Variants in TTC17 observed in about 807,000 individuals in gnomAD.
TTC17 encodes tetratricopeptide repeat domain 17, also known as tetratricopeptide repeat protein 17.
TTC17 carries 58 observed loss-of-function variants against 143.8 expected under a neutral mutation model. The observed-to-expected ratio is 0.40, with a 90% CI of 0.33 to 0.50. The LOEUF (loss-of-function observed/expected upper bound fraction) is 0.50. Ranked by LOEUF, TTC17 falls within the 20% of genes least tolerant of loss-of-function variation. The probability of loss-of-function intolerance (pLI) is 0.49; values close to 1 mark genes in which losing one functional copy is unlikely to be tolerated. For missense variants in TTC17, 1,273 were observed against 1,392.5 expected (o/e 0.91, Z 1.37); for synonymous variants, 501 against 497.8 (o/e 1.01, Z -0.09).
At chr11:43,427,993 C>T (rs1303856007) in intron 16 of TTC17, among the ~76,000 whole-genome samples, 1 of 152,084 alleles carries the variant, frequency 6.6e-6, no homozygotes, top group Non-Finnish European at 1.5e-5. Context: ...TTCTAGGAAA[C>T]CCCCCTCAAT....
intron 6 of TTC17, 139 bp downstream of exon 6, chr11:43,396,957 C>CAA (rs11406499): frequency 0.012 from 3,955 of 331,786 alleles, no homozygotes; most frequent in Middle Eastern, 0.018. Context: ...AGTCCCACCA[C>CAA]AAAAAAAAAA....
intron 16 of TTC17, among the ~76,000 whole-genome samples, chr11:43,420,034 T>G (rs947618859): frequency 6.6e-6 from 1 of 152,250 alleles, no homozygotes; most frequent in African/African-American, 2.4e-5. Context: ...TTTCTTTACT[T>G]AAAAGGGCTG....
At chr11:43,464,428 A>G (rs1947931776) in intron 21 of TTC17, among the ~76,000 whole-genome samples, 4 of 152,238 alleles carry the variant, frequency 2.6e-5, no homozygotes, top group African/African-American at 9.6e-5. Context: ...GGATGTAGGG[A>G]AAATTTCCTA....
chr11:43,427,568 C>G (rs1220693461), intron 16 of TTC17, among the ~76,000 whole-genome samples: 2 of 152,110 alleles, frequency 1.3e-5, no homozygotes, highest in African/African-American at 4.8e-5. Context: ...TCCCATAACT[C>G]TCCAGCTCTT....
intron 1 of TTC17, among the ~76,000 whole-genome samples, chr11:43,368,308 A>G (rs1856428265): frequency 1.3e-5 from 2 of 151,984 alleles, no homozygotes; most frequent in Admixed American, 1.3e-4. Context: ...TGAACTTCAG[A>G]CTCATATATC....
At chr11:43,399,249 G>T (rs1307589654) in intron 8 of TTC17, among the ~76,000 whole-genome samples, 2 of 152,218 alleles carry the variant, frequency 1.3e-5, no homozygotes, top group Non-Finnish European at 2.9e-5. Context: ...GAAAGACTTT[G>T]AATGTTGATG....
At chr11:43,379,184 AC>A in intron 1 of TTC17, 48 bp from the exon 2 acceptor site, 1 of 1,527,756 alleles carries the variant, frequency 6.5e-7, no homozygotes, top group Non-Finnish European at 9.0e-7. Context: ...GTTAATCCAA[AC>A]CAGCATTAAT....
At chr11:43,435,610 A>C (rs1450294353) in intron 16 of TTC17, among the ~76,000 whole-genome samples, 2 of 152,248 alleles carry the variant, frequency 1.3e-5, no homozygotes, top group Admixed American at 1.3e-4. Context: ...GTTTTCCAAA[A>C]GAAACATTGC....
intron 16 of TTC17, among the ~76,000 whole-genome samples, chr11:43,415,113 C>G (rs1397970471): frequency 6.6e-6 from 1 of 152,020 alleles, no homozygotes; most frequent in Non-Finnish European, 1.5e-5. Flanking sequence ...TTTTTTCTGT[C>G]CATGAAGTCA....
chr11:43,442,014 T>TA lies in TTC17; in HGVS notation c.2252-1310dup, dbSNP rs1287225932. ...GGAACATCATAGAGTGTACTGTACT[T>TA]ACTTACACAAAGCTAGGTGGTATAG... On this transcript the variant is annotated intron_variant, in intron 16 of 23. Transcript: ENST00000039989. 2.0e-5 allele frequency among the ~76,000 whole-genome samples: 3 copies of TA among 152,276 alleles called. No homozygotes were observed. In the East Asian group the frequency reaches 5.8e-4, roughly 29 times the overall value.
chr11:43,431,781 A>C (rs540221125), intron 16 of TTC17, among the ~76,000 whole-genome samples: 6 of 152,244 alleles, frequency 3.9e-5, no homozygotes, highest in Non-Finnish European at 7.3e-5. Context: ...TGAGCCCAGC[A>C]GTTCAAGTCC....
At chr11:43,395,506 C>T (rs546499423) in intron 5 of TTC17, 1 of 152,294 alleles carries the variant, frequency 6.6e-6, no homozygotes, top group South Asian at 2.1e-4. Context: ...AAACAACTTT[C>T]TCAAAAGGCC....
chr11:43,396,851 C>A, intron 6 of TTC17, 33 bp downstream of exon 6: 1 of 1,397,644 alleles, frequency 7.2e-7, no homozygotes, highest in Non-Finnish European at 1.0e-6. Context: ...CCTGATTTTC[C>A]ACATTCCTCA....
chr11:43,380,560 C>G (rs746357020), intron 2 of TTC17, among the ~76,000 whole-genome samples: 1 of 152,228 alleles, frequency 6.6e-6, no homozygotes, highest in Non-Finnish European at 1.5e-5. Context: ...CGGCCAAAAG[C>G]TGGCATACCT....
chr11:43,488,803 C>T (rs879299066), intron 21 of TTC17, among the ~76,000 whole-genome samples: 14 of 152,072 alleles, frequency 9.2e-5, no homozygotes, highest in Non-Finnish European at 1.9e-4. Flanking sequence ...TGGGCTCAAG[C>T]GATCCTCCTG....
chr11:43,456,179 A>AAC (rs57261729), intron 21 of TTC17, among the ~76,000 whole-genome samples: 19,334 of 146,164 alleles, frequency 0.13, 3,155 homozygotes, highest in African/African-American at 0.39. Context: ...TTAGCACAAT[A>AAC]ACACACACAC....
At chr11:43,433,274 C>A (rs528346985) in intron 16 of TTC17, among the ~76,000 whole-genome samples, 1 of 152,328 alleles carries the variant, frequency 6.6e-6, no homozygotes, top group Admixed American at 6.5e-5. Context: ...GCTGGAATTA[C>A]AGGCGTGAGC....
intron 1 of TTC17, among the ~76,000 whole-genome samples, chr11:43,375,916 A>G (rs934223620): frequency 6.6e-6 from 1 of 152,186 alleles, no homozygotes; most frequent in African/African-American, 2.4e-5. Context: ...AACTTACTGA[A>G]TTTGTTGAGA....
intron 7 of TTC17, 40 bp downstream of exon 7, chr11:43,397,531 C>A: frequency 1.4e-6 from 2 of 1,451,424 alleles, no homozygotes; most frequent in South Asian, 1.4e-5. Context: ...TGCTAGTTGC[C>A]ACTTTCTTTT....
Sources: gnomAD v4.1 joint callset for allele counts (sites outside exome capture counted in the v4.1 genomes callset) on GRCh38, gnomAD v4.1.1 for gene constraint, MANE v1.5 for transcripts, NCBI Gene and HGNC (gene_info 2026-07-23, HGNC 2026-07-21) for gene names.